The following PLA2G4C variants were observed in gnomAD, a reference collection of about 807,000 sequenced individuals.
PLA2G4C encodes phospholipase A2 group IVC, also known as cytosolic phospholipase A2 gamma.
In PLA2G4C, 64 loss-of-function variants were observed where a neutral mutation model predicts 73.8. The observed-to-expected ratio is 0.87, with a 90% confidence interval of 0.71 to 1.07. The LOEUF is 1.07. Ranked by LOEUF, PLA2G4C falls within the 50% of genes least tolerant of loss-of-function variation. The probability of loss-of-function intolerance (pLI) is 0.00; values close to 1 mark genes in which losing one functional copy is unlikely to be tolerated. For missense variants in PLA2G4C, 622 were observed against 665.4 expected, an observed-to-expected ratio of 0.93 and a Z score of 0.72; for synonymous variants, 254 against 252.1, an observed-to-expected ratio of 1.01 and a Z score of -0.07.
At chr19:48,098,385 G>T in intron 5 of PLA2G4C, 126 bp from the exon 6 acceptor site, 1 of 808,658 alleles carries the variant, frequency 1.2e-6, no homozygotes, top group Non-Finnish European at 1.8e-6. Flanking sequence ...GAGTGCAGTG[G>T]TACAATAATG....
At chr19:48,067,991 C>G (rs1968506961) in intron 12 of PLA2G4C, 105 bp from the exon 13 acceptor site, 1 of 828,990 alleles carries the variant, frequency 1.2e-6, no homozygotes, top group Non-Finnish European at 2.1e-6. Context: ...GGGGTTGTAT[C>G]TGGAGACAGG....
chr19:48,104,734 G>A lies in PLA2G4C; in HGVS notation c.121-10C>T, dbSNP rs768225735. On this transcript the variant is annotated splice_polypyrimidine_tract_variant and intron_variant, in intron 3 of 16. Coordinates refer to ENST00000599921, the MANE Select transcript of PLA2G4C (RefSeq NM_003706.3). ...CAGCAACAACTGGGGCCTAGGCATTGGGGAGAAAATCGATCAGAGGTTTAG... is the reference window on the plus strand; with the variant it reads ...CAGCAACAACTGGGGCCTAGGCATTAGGGAGAAAATCGATCAGAGGTTTAG... 2 of 1,613,542 alleles carry A rather than the reference G, an allele frequency of 1.2e-6. No individual in the cohort carries two copies. The highest frequency in any genetic ancestry group is 3.3e-5 in the Admixed American group (2 of 59,892).
Position 48,057,480 on chromosome 19 carries a change from C to CTTTTTTTTT in PLA2G4C, c.1258-2432_1258-2431insAAAAAAAAA, listed in dbSNP as rs1260409498. 3.5e-3 allele frequency among the ~76,000 whole-genome samples: 98 copies of CTTTTTTTTT among 28,080 alleles called. 11 individuals carry two copies. The highest frequency in any genetic ancestry group is 9.5e-3 in the East Asian group (5 of 528). 18.4% of individuals were successfully genotyped at this position (28,080 alleles called of 152,430 possible). On this transcript the variant is annotated intron_variant, in intron 14 of 16. Transcript: ENST00000599921. ...GTTTCTTCTTCTTCTTCTTCTTCTT[C>CTTTTTTTTT]TTCTTTTTTTTTTTTTTTTTTTTTT...
intron 10 of PLA2G4C, among the ~76,000 whole-genome samples, chr19:48,082,372 T>C (rs971805329): frequency 4.6e-5 from 7 of 152,080 alleles, no homozygotes; most frequent in Non-Finnish European, 1.0e-4. Flanking sequence ...GTGCTGAAAA[T>C]GCGATAGAAA....
intron 6 of PLA2G4C, 58 bp from the exon 7 acceptor site, chr19:48,095,662 T>G: frequency 6.5e-7 from 1 of 1,541,582 alleles, no homozygotes; most frequent in Non-Finnish European, 9.0e-7. Context: ...ATGTAGCAGG[T>G]ATGCAGGAAA....
Position 48,077,842 on chromosome 19 carries a change from CA to C in PLA2G4C, c.845-19del, listed in dbSNP as rs2030272174. On this transcript the variant is annotated intron_variant, in intron 10 of 16. Coordinates refer to ENST00000599921, the MANE Select transcript of PLA2G4C (RefSeq NM_003706.3). ...TAATCGGGCTGCAAAAGAGCAGAGG[CA>C]GGGGGAATGTTTAACTGTAAAGTCA... 1.3e-6 allele frequency: 2 copies of C among 1,599,588 alleles called. No individual in the cohort carries two copies. Among genetic ancestry groups the C allele is most frequent in the Non-Finnish European group, 1.7e-6 (2 of 1,172,714 alleles).
At chr19:48,095,441 T>A in intron 7 of PLA2G4C, 23 bp downstream of exon 7, 1 of 1,609,540 alleles carries the variant, frequency 6.2e-7, no homozygotes, top group Non-Finnish European at 8.5e-7. Context: ...CCCCTTTTAA[T>A]CCCCTCTGAC....
chr19:48,104,351 T>G, intron 4 of PLA2G4C: 2 of 437,970 alleles, frequency 4.6e-6, no homozygotes. Flanking sequence ...GCTAGGTAAT[T>G]GCAACTCGTG....
At chr19:48,098,338 T>TG (rs1054044577) in intron 5 of PLA2G4C, 79 bp from the exon 6 acceptor site, 2 of 1,379,630 alleles carry the variant, frequency 1.4e-6, no homozygotes, top group Non-Finnish European at 2.0e-6. Context: ...TAGGCCACAT[T>TG]TTTTTTTAGA....
chr19:48,092,331 T>C (rs921155823), intron 7 of PLA2G4C, among the ~76,000 whole-genome samples: 1 of 152,124 alleles, frequency 6.6e-6, no homozygotes, highest in Admixed American at 6.5e-5. Flanking sequence ...TTACAGGCAT[T>C]AGCCACCACA....
chr19:48,060,781 T>C (rs1008152625), intron 14 of PLA2G4C, among the ~76,000 whole-genome samples: 4 of 152,100 alleles, frequency 2.6e-5, no homozygotes, highest in African/African-American at 9.7e-5. Flanking sequence ...AGAAAGATGG[T>C]GACAAGTTGG....
chr19:48,092,241 G>T (rs1260684456), intron 7 of PLA2G4C, among the ~76,000 whole-genome samples: 1 of 152,060 alleles, frequency 6.6e-6, no homozygotes, highest in African/African-American at 2.4e-5. Flanking sequence ...TAGAGATGGG[G>T]TTTCACCATG....
At chr19:48,080,452 C>T (rs1466488447) in intron 10 of PLA2G4C, among the ~76,000 whole-genome samples, 6 of 152,070 alleles carry the variant, frequency 3.9e-5, no homozygotes, top group Admixed American at 1.3e-4. Context: ...GTAGATCTAC[C>T]GTTCGATCCA....
chr19:48,080,075 A>T (rs2030442263), intron 10 of PLA2G4C, among the ~76,000 whole-genome samples: 1 of 152,224 alleles, frequency 6.6e-6, no homozygotes, highest in African/African-American at 2.4e-5. Flanking sequence ...TTTGCAAACT[A>T]GGCATCCACA....
chr19:48,064,086 G>A (rs188600607), intron 13 of PLA2G4C, among the ~76,000 whole-genome samples: 1 of 152,236 alleles, frequency 6.6e-6, no homozygotes, highest in Non-Finnish European at 1.5e-5. Context: ...AAAACATGGG[G>A]AGATGTGCTC....
intron 4 of PLA2G4C, among the ~76,000 whole-genome samples, chr19:48,101,124 A>ATTTTTT (rs1264472851): frequency 3.4e-5 from 2 of 59,450 alleles, no homozygotes; most frequent in African/African-American, 2.0e-4. Flanking sequence ...ATATATATAT[A>ATTTTTT]TATTTTTTTT....
In PLA2G4C at chr19:48,061,998, C is replaced by T; in HGVS notation, c.1257G>A (p.Glu419=). 1 of 1,613,800 alleles carries T rather than the reference C, an allele frequency of 6.2e-7. No homozygotes were observed. Among genetic ancestry groups the T allele is most frequent in the Non-Finnish European group, 8.5e-7 (1 of 1,179,938 alleles). The change falls in exon 14 of 17, where the codon GAG becomes GAA. Residue 419 remains glutamate, a splice_region_variant and synonymous_variant. Coordinates refer to ENST00000599921, the MANE Select transcript of PLA2G4C (RefSeq NM_003706.3). ...CGGCCCCAAAGCCCTTCTCGATTAC[C>T]TCGAAAGGATCTCCGGCACTGAAGT... ...SFDFSAGDPF[E]TIRATTDYCR...
chr19:48,048,239 C>T lies in PLA2G4C; in HGVS notation c.*104G>A, dbSNP rs1967594395. On this transcript the variant is annotated 3_prime_UTR_variant, in exon 17 of 17. Coordinates refer to ENST00000599921, the MANE Select transcript of PLA2G4C (RefSeq NM_003706.3). ...TAGGACAGCCAAGGTGAACTCAAGG[C>T]CATGAAGCGTGTGGCTGAAGGGAGT... 5.1e-6 allele frequency: 4 copies of T among 791,204 alleles called. No homozygotes were observed. Among genetic ancestry groups the T allele is most frequent in the South Asian group, 3.3e-5 (2 of 61,220 alleles). 49.0% of individuals were successfully genotyped at this position (791,204 alleles called of 1,614,324 possible).
At chr19:48,084,385 G>C (rs2030849401) in intron 10 of PLA2G4C, among the ~76,000 whole-genome samples, 1 of 152,018 alleles carries the variant, frequency 6.6e-6, no homozygotes, top group Non-Finnish European at 1.5e-5. Flanking sequence ...TGTTGCCCAG[G>C]CTGGAGTGCA....
Sources: allele counts gnomAD v4.1 joint callset (sites outside exome capture counted in the v4.1 genomes callset), GRCh38; gene constraint gnomAD v4.1.1; transcripts MANE v1.5; gene names NCBI Gene and HGNC (gene_info 2026-07-23, HGNC 2026-07-21).